LAMA3: variants seen among roughly 807,000 people sequenced by gnomAD.
The protein encoded by LAMA3 is laminin subunit alpha 3.
In LAMA3, 281 loss-of-function variants were observed where a neutral mutation model predicts 402.0. The ratio of observed to expected loss-of-function variants is 0.70; its 90% CI spans 0.63 to 0.77. The LOEUF (loss-of-function observed/expected upper bound fraction) is 0.77, where lower values mean the gene tolerates loss of function less well. Among genes scored for constraint, LAMA3 ranks in the 30% least tolerant of loss-of-function variants. The probability of loss-of-function intolerance (pLI) is 0.00; values close to 1 mark genes in which losing one functional copy is unlikely to be tolerated. For synonymous variants in LAMA3, 1,431 were observed against 1,558.4 expected (o/e 0.92, Z 1.93); for missense variants, 3,840 against 4,215.5 (o/e 0.91, Z 2.47).
At chr18:23,870,002 A>G (rs914850687) in intron 37 of LAMA3, among the ~76,000 whole-genome samples, 13 of 151,324 alleles carry the variant, frequency 8.6e-5, no homozygotes, top group Non-Finnish European at 1.6e-4. Context: ...CTCTACCAAA[A>G]ATACATTAAA....
chr18:23,814,338 C>A, intron 14 of LAMA3, 65 bp from the exon 15 acceptor site: 1 of 1,201,618 alleles, frequency 8.3e-7, no homozygotes, highest in South Asian at 1.2e-5. Context: ...TCTTTGCTCA[C>A]GCACAGGTTT....
chr18:23,718,007 T>C (rs981583107), intron 2 of LAMA3, among the ~76,000 whole-genome samples: 5 of 152,122 alleles, frequency 3.3e-5, no homozygotes, highest in Admixed American at 3.3e-4. Flanking sequence ...TTTCAGGCTA[T>C]AGAATGAGAA....
intron 40 of LAMA3, among the ~76,000 whole-genome samples, chr18:23,884,049 TGTG>T (rs2064989057): frequency 8.4e-4 from 1 of 1,184 alleles, no homozygotes. Flanking sequence ...GTCTCTTTGG[TGTG>T]TGTGTGTGTG....
intron 33 of LAMA3, 148 bp downstream of exon 33, chr18:23,858,136 AT>A: frequency 9.7e-7 from 1 of 1,032,994 alleles, no homozygotes; most frequent in Non-Finnish European, 1.5e-6. Context: ...TCACGATCTC[AT>A]TTTACAGAAA....
intron 18 of LAMA3, among the ~76,000 whole-genome samples, chr18:23,818,363 A>G (rs1327035093): frequency 2.0e-5 from 3 of 152,246 alleles, no homozygotes; most frequent in East Asian, 1.9e-4. Context: ...TACATGATAC[A>G]TGCACACATA....
chr18:23,750,928 C>A lies in LAMA3; in HGVS notation c.695C>A (p.Ser232Tyr). ...VPLENGEVVVSLINGRPGAKN... is the reference protein window; with the variant it reads ...VPLENGEVVVYLINGRPGAKN... ...GTGTGGTCATTTTAGGTTGTGGTGTCCTTGATAAACGGTCGTCCAGGTGCA... is the reference window on the plus strand; with the variant it reads ...GTGTGGTCATTTTAGGTTGTGGTGTACTTGATAAACGGTCGTCCAGGTGCA... The change falls in exon 5 of 75, where the codon TCC (serine) becomes TAC (tyrosine). Residue 232 changes from serine (S) to tyrosine (Y), a missense_variant. Ser to Tyr is a moderately radical substitution (Grantham distance 144, BLOSUM62 -2). Transcript: ENST00000313654. The A allele has an allele frequency of 6.2e-7, 1 of 1,614,016 alleles. No homozygotes were observed. The highest frequency in any genetic ancestry group is 1.1e-5 in the South Asian group (1 of 91,072).
Position 23,753,821 on chromosome 18 carries a change from A to C in LAMA3, c.947+9A>C. The C allele has an allele frequency of 6.3e-7, 1 of 1,589,600 alleles. No homozygotes were observed. The highest frequency in any genetic ancestry group is 8.6e-7 in the Non-Finnish European group (1 of 1,157,774). On this transcript the variant is annotated intron_variant, in intron 6 of 74. Transcript: ENST00000313654. ...AACAATCCTGAAAAACTGTAAGTACACTGTACAGATTTTTTTCAGCCTTAC... is the reference window on the plus strand; with the variant it reads ...AACAATCCTGAAAAACTGTAAGTACCCTGTACAGATTTTTTTCAGCCTTAC...
At chr18:23,817,410 T>A (rs1249069092) in intron 18 of LAMA3, among the ~76,000 whole-genome samples, 1 of 152,156 alleles carries the variant, frequency 6.6e-6, no homozygotes, top group Non-Finnish European at 1.5e-5. Context: ...GCAAGGTGAT[T>A]CTCTCCTTTC....
intron 1 of LAMA3, among the ~76,000 whole-genome samples, chr18:23,695,410 T>C (rs2060665758): frequency 6.6e-6 from 1 of 152,122 alleles, no homozygotes; most frequent in African/African-American, 2.4e-5. Flanking sequence ...AGGCTCTGTG[T>C]GTAGTTCTAG....
chr18:23,783,075 G>A (rs900042228), intron 11 of LAMA3, among the ~76,000 whole-genome samples: 13 of 152,248 alleles, frequency 8.5e-5, no homozygotes, highest in African/African-American at 3.1e-4. Context: ...ACTTGCTGGA[G>A]GGTTTCTGGG....
chr18:23,722,328 C>G (rs1303208910), intron 2 of LAMA3, among the ~76,000 whole-genome samples: 1 of 152,202 alleles, frequency 6.6e-6, no homozygotes, highest in Admixed American at 6.5e-5. Flanking sequence ...CTCAGAGGCA[C>G]TTGCTAAGCT....
At chr18:23,905,219 A>C (rs1013810470) in intron 51 of LAMA3, among the ~76,000 whole-genome samples, 4 of 152,252 alleles carry the variant, frequency 2.6e-5, no homozygotes, top group African/African-American at 9.6e-5. Flanking sequence ...CCTGAAAACA[A>C]CTAAGTTCTC....
At chr18:23,953,366 G>A (rs1225054051) in intron 74 of LAMA3, among the ~76,000 whole-genome samples, 1 of 144,822 alleles carries the variant, frequency 6.9e-6, no homozygotes, top group Non-Finnish European at 1.5e-5. Context: ...TTTTGAGATG[G>A]AGTCTCACTC....
intron 52 of LAMA3, among the ~76,000 whole-genome samples, chr18:23,906,894 G>A (rs1045679640): frequency 6.6e-6 from 1 of 152,184 alleles, no homozygotes; most frequent in African/African-American, 2.4e-5. Flanking sequence ...CATCAAGATG[G>A]TCTTAAAGCA....
chr18:23,860,261 C>CTTTTTTTTTT (rs59852195), intron 34 of LAMA3, among the ~76,000 whole-genome samples: 34 of 112,654 alleles, frequency 3.0e-4, no homozygotes, highest in East Asian at 4.6e-4. Flanking sequence ...CTTTTCTTTT[C>CTTTTTTTTTT]TTTTTTTTTT....
intron 2 of LAMA3, among the ~76,000 whole-genome samples, chr18:23,739,436 A>T (rs1031504925): frequency 2.0e-5 from 3 of 152,230 alleles, no homozygotes; most frequent in African/African-American, 7.2e-5. Flanking sequence ...GAGCTTCGTT[A>T]TGCCCTTTAG....
intron 38 of LAMA3, chr18:23,873,080 G>C: frequency 6.2e-7 from 1 of 1,614,228 alleles, no homozygotes; most frequent in Non-Finnish European, 8.5e-7. Context: ...CCTGCAGCAT[G>C]GGATGGCTGT....
chr18:23,901,826 A>G (rs1003101416), intron 48 of LAMA3, among the ~76,000 whole-genome samples: 2 of 152,172 alleles, frequency 1.3e-5, no homozygotes, highest in African/African-American at 4.8e-5. Context: ...TGCAGTTCAT[A>G]TATACATATA....
At position 23,881,928 on chromosome 18, in the gene LAMA3, G is replaced by C; in HGVS notation, c.5113-8G>C. The C allele has an allele frequency of 6.3e-7, 1 of 1,596,492 alleles. No individual in the cohort carries two copies. Among genetic ancestry groups the C allele is most frequent in the African/African-American group, 1.3e-5 (1 of 74,756 alleles). ...CTGCTGTGAATTGTGCTGTTCACCT[G>C]TCCCCAGAACTGTCAGCACAACACC... On this transcript the variant is annotated splice_polypyrimidine_tract_variant and splice_region_variant and intron_variant, in intron 39 of 74. Coordinates refer to ENST00000313654, the MANE Select transcript of LAMA3 (RefSeq NM_198129.4).
Sources: gnomAD v4.1 joint callset for allele counts (sites outside exome capture counted in the v4.1 genomes callset) on GRCh38, gnomAD v4.1.1 for gene constraint, MANE v1.5 for transcripts, NCBI Gene and HGNC (gene_info 2026-07-23, HGNC 2026-07-21) for gene names.